Variants in CEP350 observed in about 807,000 individuals in gnomAD.
CEP350 encodes the protein centrosomal protein 350.
In CEP350, 126 loss-of-function variants were observed where a neutral mutation model predicts 331.8. The ratio of observed to expected loss-of-function variants is 0.38; its 90% CI spans 0.33 to 0.44. CEP350 has a LOEUF of 0.44. Among genes scored for constraint, CEP350 ranks in the 20% least tolerant of loss-of-function variants. The pLI, the probability that CEP350 is intolerant of heterozygous loss-of-function variation, is 1.00. For missense variants in CEP350, 3,406 were observed against 3,634.6 expected (o/e 0.94, Z 1.62); for synonymous variants, 1,200 against 1,259.5 (o/e 0.95, Z 1.00).
intron 1 of CEP350, among the ~76,000 whole-genome samples, chr1:179,963,296 A>G (rs1650767652): frequency 6.6e-6 from 1 of 151,986 alleles, no homozygotes; most frequent in South Asian, 2.1e-4. Context: ...TTTGCTATGT[A>G]GAAGCTTTTT....
At chr1:179,956,915 A>G (rs1321501355) in intron 1 of CEP350, among the ~76,000 whole-genome samples, 4 of 152,108 alleles carry the variant, frequency 2.6e-5, no homozygotes, top group Non-Finnish European at 1.5e-5. Flanking sequence ...GTGCTCTGGC[A>G]TTTGGTGTTA....
chr1:180,028,127 C>T (rs1655795751), intron 14 of CEP350, among the ~76,000 whole-genome samples: 1 of 152,120 alleles, frequency 6.6e-6, no homozygotes, highest in African/African-American at 2.4e-5. Context: ...AATAAAAGAG[C>T]TCCATGGTTC....
chr1:180,110,927 A>G lies in CEP350; in HGVS notation c.9190-70A>G, dbSNP rs1661437369. Reference sequence around the variant, plus strand: ...TGTATTCCTATGGATAGGACTACAAAGTCAGCAATTATATTTTCTAGCTTT... The same window carrying G: ...TGTATTCCTATGGATAGGACTACAAGGTCAGCAATTATATTTTCTAGCTTT... On this transcript the variant is annotated intron_variant, in intron 37 of 37. Coordinates refer to ENST00000367607, the MANE Select transcript of CEP350 (RefSeq NM_014810.5). 5.1e-6 allele frequency: 7 copies of G among 1,365,124 alleles called. No individual in the cohort carries two copies. The South Asian group carries it at 8.5e-5, about 17-fold the overall frequency. 84.6% of individuals were successfully genotyped at this position (1,365,124 alleles called of 1,614,324 possible).
intron 1 of CEP350, among the ~76,000 whole-genome samples, chr1:179,981,274 A>G (rs974867349): frequency 6.6e-6 from 1 of 152,200 alleles, no homozygotes; most frequent in African/African-American, 2.4e-5. Flanking sequence ...CAACAAATAA[A>G]TAAATCCAAA....
At chr1:179,991,110 GA>G (rs1248812662) in intron 4 of CEP350, among the ~76,000 whole-genome samples, 1 of 151,382 alleles carries the variant, frequency 6.6e-6, no homozygotes, top group Admixed American at 6.6e-5. Flanking sequence ...GTTTCATTTT[GA>G]GGTTATATAT....
intron 1 of CEP350, among the ~76,000 whole-genome samples, chr1:179,956,253 A>G (rs1020168901): frequency 6.6e-6 from 1 of 152,216 alleles, no homozygotes; most frequent in African/African-American, 2.4e-5. Flanking sequence ...ATAAATCTGA[A>G]TCATTTGAAC....
chr1:180,034,591 C>T (rs1329293844), intron 16 of CEP350, among the ~76,000 whole-genome samples: 1 of 151,658 alleles, frequency 6.6e-6, no homozygotes, highest in South Asian at 2.1e-4. Context: ...TGATAAATCT[C>T]TCAATATTTC....
intron 31 of CEP350, among the ~76,000 whole-genome samples, chr1:180,086,324 A>C (rs1029712203): frequency 2.0e-5 from 3 of 152,196 alleles, no homozygotes; most frequent in African/African-American, 7.2e-5. Context: ...TTATACGTCA[A>C]CTAATGAGGA....
intron 11 of CEP350, among the ~76,000 whole-genome samples, chr1:180,017,922 T>C (rs1272996094): frequency 6.6e-6 from 1 of 152,222 alleles, no homozygotes; most frequent in Non-Finnish European, 1.5e-5. Context: ...ATCTTTGTTT[T>C]AGTATTTGTG....
chr1:180,048,590 A>G lies in CEP350; in HGVS notation c.4677A>G (p.Glu1559=). The change falls in exon 22 of 38, where the codon GAA becomes GAG. Residue 1559 remains glutamate (E), a synonymous_variant. Transcript: ENST00000367607. ...GTCCTTCAGTTCCATCTTGTAAGGA[A>G]AATGAGAAGAAACTTAATGGTGAAA... The part of the protein sequence containing the change: ...QESPSVPSCK[E]NEKKLNGEKI... The G allele has an allele frequency of 6.2e-7, 1 of 1,610,808 alleles. No homozygotes were observed. The highest frequency in any genetic ancestry group is 8.5e-7 in the Non-Finnish European group (1 of 1,177,066).
At chr1:179,957,657 C>G (rs1280290067) in intron 1 of CEP350, among the ~76,000 whole-genome samples, 9 of 152,150 alleles carry the variant, frequency 5.9e-5, no homozygotes, top group African/African-American at 2.2e-4. Flanking sequence ...TTCTTAGTTC[C>G]TAAGCACACC....
At chr1:179,991,981 T>A in intron 4 of CEP350, 81 bp from the exon 5 acceptor site, 2 of 996,338 alleles carry the variant, frequency 2.0e-6, no homozygotes, top group Non-Finnish European at 2.7e-6. Flanking sequence ...AGATACCTAA[T>A]TTTTTTTTTA....
Position 180,031,521 on chromosome 1 carries a change from A to G in CEP350, c.3725+27A>G, listed in dbSNP as rs752541335. ...TAATGTATATTTTATACTGTAATTT[A>G]TATATAATTAAAGATATATAATTGA... On this transcript the variant is annotated intron_variant, in intron 15 of 37. Transcript: ENST00000367607. 1.0e-5 allele frequency: 11 copies of G among 1,084,546 alleles called. No individual in the cohort carries two copies. The African/African-American group carries it at 1.5e-4, about 15-fold the overall frequency. The allele number at this position is 1,084,546 out of a possible 1,614,324, so 67.2% of individuals were successfully genotyped here. A position where few individuals can be genotyped will look rare whatever the true frequency, so the allele number is the denominator to read the frequency against.
chr1:180,109,280 C>T (rs761058008), intron 37 of CEP350, among the ~76,000 whole-genome samples: 8 of 151,872 alleles, frequency 5.3e-5, no homozygotes, highest in Non-Finnish European at 1.0e-4. Context: ...CAACCACACC[C>T]GGCTAATTTT....
At chr1:179,969,293 G>A (rs1333045485) in intron 1 of CEP350, 8 of 497,738 alleles carry the variant, frequency 1.6e-5, no homozygotes, top group Admixed American at 4.2e-5. Context: ...TGCTGAAAAC[G>A]CTGTGACCAA....
In CEP350 at chr1:180,053,818, G is replaced by A; in HGVS notation, c.5058G>A (p.Gln1686=). 1.2e-6 allele frequency: 2 copies of A among 1,611,640 alleles called. No homozygotes were observed. Among genetic ancestry groups the A allele is most frequent in the Non-Finnish European group, 8.5e-7 (1 of 1,178,152 alleles). The stretch of plus-strand genomic sequence containing the variant: ...AATTTACTATGGAGATGGTTCGACA[G>A]TATATGAAAGAGGAAGAAATGAGGG... ...FSKFTMEMVR[Q]YMKEEEMRAA... The change falls in exon 24 of 38, where the codon CAG becomes CAA. Residue 1686 remains glutamine (Q), a synonymous_variant. Coordinates refer to ENST00000367607, the MANE Select transcript of CEP350 (RefSeq NM_014810.5).
Position 180,085,530 on chromosome 1 carries a change from A to T in CEP350, c.6285+1352A>T, listed in dbSNP as rs146703064. 4 of 150,154 alleles carry T rather than the reference A, an allele frequency of 2.7e-5. No individual in the cohort carries two copies. In the South Asian group the frequency reaches 8.4e-4, roughly 32 times the overall value. 9.3% of individuals were successfully genotyped at this position (150,154 alleles called of 1,614,324 possible). On this transcript the variant is annotated intron_variant, in intron 31 of 37. Transcript: ENST00000367607. ...TCTGTTACACACATTCTGTTTCTCT[A>T]TTACACACATTCTGCCAGCCCGGTG... is the stretch of plus-strand genomic sequence containing the variant.
rs373843337 is a variant in CEP350 at position 180,063,688 on chromosome 1, C to G, written c.5409+1322C>G. ...ATTAGCTGGACATGGTGGCATACAC[C>G]TATAGTCCCAGCTACTTGCGAGGCT... On this transcript the variant is annotated intron_variant, in intron 26 of 37. Coordinates refer to ENST00000367607, the MANE Select transcript of CEP350 (RefSeq NM_014810.5). Among the ~76,000 whole-genome samples, 34 of 152,174 alleles carry G rather than the reference C, an allele frequency of 2.2e-4. No homozygotes were observed. In the East Asian group the frequency reaches 3.5e-3, roughly 16 times the overall value.
chr1:180,096,741 C>T (rs1259002508), intron 36 of CEP350, among the ~76,000 whole-genome samples: 3 of 152,182 alleles, frequency 2.0e-5, no homozygotes, highest in South Asian at 2.1e-4. Context: ...CCTTTGTAAA[C>T]CTTTGTCCAG....
Sources: allele counts gnomAD v4.1 joint callset (sites outside exome capture counted in the v4.1 genomes callset), GRCh38; gene constraint gnomAD v4.1.1; transcripts MANE v1.5; gene names NCBI Gene and HGNC (gene_info 2026-07-23, HGNC 2026-07-21).